The following PLCB1 variants were observed in gnomAD, a reference collection of about 807,000 sequenced individuals.
PLCB1 encodes the protein phospholipase C beta 1.
PLCB1 carries 46 observed loss-of-function variants against 161.8 expected under a neutral mutation model. That is an observed-to-expected ratio of 0.28 (90% CI 0.22 to 0.36). The LOEUF (loss-of-function observed/expected upper bound fraction) is 0.36. PLCB1 is among the 10% of genes least tolerant of loss of function. The pLI is 1.00. For missense variants in PLCB1, 1,016 were observed against 1,472.5 expected (o/e 0.69, Z 5.07); for synonymous variants, 517 against 503.7 (o/e 1.03, Z -0.35).
chr20:8,486,914 A>G (rs529317461), intron 3 of PLCB1, among the ~76,000 whole-genome samples: 1 of 152,368 alleles, frequency 6.6e-6, no homozygotes, highest in South Asian at 2.1e-4. Context: ...TTCTGATGTG[A>G]ATAAAGGAAA....
intron 3 of PLCB1, among the ~76,000 whole-genome samples, chr20:8,589,356 A>C (rs1987079405): frequency 6.6e-6 from 1 of 152,184 alleles, no homozygotes; most frequent in Non-Finnish European, 1.5e-5. Flanking sequence ...TGAAAAATTC[A>C]GCATCTTGTG....
At chr20:8,180,011 A>G (rs1463523900) in intron 2 of PLCB1, among the ~76,000 whole-genome samples, 1 of 151,122 alleles carries the variant, frequency 6.6e-6, no homozygotes, top group African/African-American at 2.4e-5. Context: ...GGTGCCCGCC[A>G]CTACGCCCGG....
intron 2 of PLCB1, among the ~76,000 whole-genome samples, chr20:8,196,633 A>G (rs2052026695): frequency 6.7e-6 from 1 of 150,304 alleles, no homozygotes; most frequent in East Asian, 1.9e-4. Flanking sequence ...TAACAGCCTC[A>G]AACAAGCTCC....
At chr20:8,467,998 G>A (rs574793228) in intron 3 of PLCB1, among the ~76,000 whole-genome samples, 10 of 152,192 alleles carry the variant, frequency 6.6e-5, no homozygotes, top group African/African-American at 2.4e-4. Flanking sequence ...ACTGCTACAG[G>A]AAAAATGTGG....
intron 10 of PLCB1, among the ~76,000 whole-genome samples, chr20:8,692,777 G>T (rs1414969224): frequency 2.3e-4 from 35 of 152,116 alleles, no homozygotes; most frequent in Admixed American, 2.3e-3. Flanking sequence ...AAAGGACATG[G>T]CGAAAGTTCT....
rs529139096 is a variant in PLCB1, at chr20:8,437,425, A to T, written c.246+65975A>T. 3.3e-5 allele frequency among the ~76,000 whole-genome samples: 5 copies of T among 152,374 alleles called. No individual in the cohort carries two copies. In the East Asian group the frequency reaches 9.6e-4, roughly 29 times the overall value. On this transcript the variant is annotated intron_variant, in intron 3 of 31. Coordinates refer to ENST00000338037, the MANE Select transcript of PLCB1 (RefSeq NM_015192.4). ...GAGATTAGAAAGTGTTCAAACAAGC[A>T]TAACTCATTTAGAATGGATGCATGA...
intron 3 of PLCB1, among the ~76,000 whole-genome samples, chr20:8,399,883 A>T (rs531929204): frequency 9.3e-4 from 142 of 152,318 alleles, no homozygotes; most frequent in Non-Finnish European, 1.8e-3. Context: ...TCTGCCTTAT[A>T]AACTTTCATT....
At chr20:8,698,728 G>C (rs929360851) in intron 11 of PLCB1, among the ~76,000 whole-genome samples, 21 of 152,118 alleles carry the variant, frequency 1.4e-4, no homozygotes, top group Non-Finnish European at 2.2e-4. Context: ...AAAGGAGAAG[G>C]GTTTTGCAGT....
At chr20:8,180,549 A>G (rs766194432) in intron 2 of PLCB1, among the ~76,000 whole-genome samples, 100 of 152,182 alleles carry the variant, frequency 6.6e-4, no homozygotes, top group Non-Finnish European at 1.2e-3. Flanking sequence ...CCAGGGCTAT[A>G]TAAGAAACAG....
At chr20:8,429,859 T>TA (rs1238737086) in intron 3 of PLCB1, among the ~76,000 whole-genome samples, 2 of 151,964 alleles carry the variant, frequency 1.3e-5, no homozygotes. Flanking sequence ...CTCAAAGATC[T>TA]AAAAAGGTGA....
chr20:8,540,241 T>C (rs183104517), intron 3 of PLCB1, among the ~76,000 whole-genome samples: 21 of 152,302 alleles, frequency 1.4e-4, no homozygotes, highest in African/African-American at 4.6e-4. Context: ...ATGAATGAGC[T>C]ATTACTTGAT....
chr20:8,725,570 G>A (rs972658661), intron 16 of PLCB1, among the ~76,000 whole-genome samples: 1 of 152,048 alleles, frequency 6.6e-6, no homozygotes, highest in East Asian at 1.9e-4. Context: ...TCACTTAGTG[G>A]TATATGCAAC....
intron 3 of PLCB1, among the ~76,000 whole-genome samples, chr20:8,542,818 A>T (rs1364099319): frequency 6.6e-6 from 1 of 152,222 alleles, no homozygotes; most frequent in Non-Finnish European, 1.5e-5. Flanking sequence ...ACGTTAATTG[A>T]ATTGCCTCTG....
chr20:8,363,016 A>G (rs1209578753), intron 2 of PLCB1, among the ~76,000 whole-genome samples: 1 of 152,094 alleles, frequency 6.6e-6, no homozygotes, highest in Non-Finnish European at 1.5e-5. Flanking sequence ...CTATGATTCT[A>G]TTATAGTAAT....
chr20:8,495,848 A>C (rs1401369569), intron 3 of PLCB1, among the ~76,000 whole-genome samples: 1 of 152,068 alleles, frequency 6.6e-6, no homozygotes, highest in African/African-American at 2.4e-5. Context: ...TTTCCAGCTC[A>C]GCAAAATTGC....
At chr20:8,271,676 C>G (rs930627392) in intron 2 of PLCB1, among the ~76,000 whole-genome samples, 2 of 152,074 alleles carry the variant, frequency 1.3e-5, no homozygotes, top group Non-Finnish European at 2.9e-5. Context: ...GGTAGAGAGT[C>G]TTGTCTCCAG....
intron 3 of PLCB1, among the ~76,000 whole-genome samples, chr20:8,394,993 T>C (rs932870877): frequency 6.6e-6 from 1 of 152,172 alleles, no homozygotes; most frequent in Admixed American, 6.5e-5. Flanking sequence ...TAAAATTGTT[T>C]AGCAAACACA....
At chr20:8,729,514 C>T (rs1980118828) in intron 18 of PLCB1, 1 of 163,920 alleles carries the variant, frequency 6.1e-6, no homozygotes, top group African/African-American at 2.4e-5. Flanking sequence ...GCTACCAACT[C>T]AGAGATTCCA....
At chr20:8,195,404 A>G (rs1275110878) in intron 2 of PLCB1, among the ~76,000 whole-genome samples, 1 of 152,016 alleles carries the variant, frequency 6.6e-6, no homozygotes, top group Non-Finnish European at 1.5e-5. Context: ...CTTGGAAAAT[A>G]GGCCCAAGAG....
Sources: allele counts gnomAD v4.1 joint callset (sites outside exome capture counted in the v4.1 genomes callset), GRCh38; gene constraint gnomAD v4.1.1; transcripts MANE v1.5; gene names NCBI Gene and HGNC (gene_info 2026-07-23, HGNC 2026-07-21).